CNBD1: variants seen among roughly 807,000 people sequenced by gnomAD.
CNBD1 encodes the protein cyclic nucleotide-binding domain-containing protein 1.
A neutral mutation model predicts 54.4 loss-of-function variants in CNBD1; 71 were observed. The ratio of observed to expected loss-of-function variants is 1.30; its 90% CI spans 1.08 to 1.59. The LOEUF is 1.59. CNBD1 is among the 40% of genes most tolerant of loss of function. The pLI, the probability that CNBD1 is intolerant of heterozygous loss-of-function variation, is 0.00. For missense variants in CNBD1, 659 were observed against 518.0 expected (o/e 1.27, Z -2.64); for synonymous variants, 182 against 170.7 (o/e 1.07, Z -0.51).
At chr8:87,181,350 C>T (rs1563498088) in intron 4 of CNBD1, among the ~76,000 whole-genome samples, 1 of 152,154 alleles carries the variant, frequency 6.6e-6, no homozygotes. Flanking sequence ...CAAATAACAG[C>T]TCCATCTCCT....
Position 87,216,733 on chromosome 8 carries a change from A to G in CNBD1, c.577+10595A>G, listed in dbSNP as rs561678096. Among the ~76,000 whole-genome samples, 6 of 152,260 alleles carry G rather than the reference A, an allele frequency of 3.9e-5. No individual in the cohort carries two copies. In the South Asian group the frequency reaches 1.0e-3, roughly 26 times the overall value. On this transcript the variant is annotated intron_variant, in intron 5 of 10. Transcript: ENST00000518476. The stretch of plus-strand genomic sequence containing the variant: ...TTTGAGTCTGGGTCTTCTGAAGCCA[A>G]CCTTTAGCTTTGTTTTACCCTTTTC...
At chr8:87,393,722 C>T (rs994231020) in intron 2 of CNBD1, among the ~76,000 whole-genome samples, 5 of 151,714 alleles carry the variant, frequency 3.3e-5, no homozygotes, top group Non-Finnish European at 5.9e-5. Context: ...AAGAACTATG[C>T]CTGAGAAGAG....
chr8:86,953,132 G>A lies in CNBD1; in HGVS notation c.431+13378G>A, dbSNP rs147724121. On this transcript the variant is annotated intron_variant, in intron 4 of 10. Transcript: ENST00000518476. ...TATACCATAGTTTATCTAAGTATAT[G>A]TTGATGAACATTTGTGGCTATTATG... Among the ~76,000 whole-genome samples, 53 of 152,248 alleles carry A rather than the reference G, an allele frequency of 3.5e-4. 1 individual carries two copies. The highest frequency in any genetic ancestry group is 1.2e-3 in the African/African-American group (51 of 41,546).
chr8:86,940,640 A>G (rs1460894350), intron 4 of CNBD1, among the ~76,000 whole-genome samples: 2 of 152,186 alleles, frequency 1.3e-5, no homozygotes, highest in Admixed American at 6.5e-5. Flanking sequence ...GAAAATCTTA[A>G]CCACCTGTCA....
intron 5 of CNBD1, among the ~76,000 whole-genome samples, chr8:87,220,557 A>C (rs1165721905): frequency 2.0e-5 from 3 of 150,608 alleles, no homozygotes; most frequent in African/African-American, 2.4e-5. Context: ...CTGTGATTCA[A>C]CTTTAATGTA....
intron 4 of CNBD1, among the ~76,000 whole-genome samples, chr8:87,067,599 T>C (rs1478150354): frequency 6.6e-6 from 1 of 151,960 alleles, no homozygotes; most frequent in Non-Finnish European, 1.5e-5. Context: ...TGGTCATAAA[T>C]ATTTCAATCT....
At chr8:87,411,452 C>A (rs1264581263) in intron 2 of CNBD1, among the ~76,000 whole-genome samples, 2 of 127,784 alleles carry the variant, frequency 1.6e-5, no homozygotes, top group African/African-American at 5.9e-5. Flanking sequence ...TTTTTAAAAA[C>A]TCATTCTACA....
intron 4 of CNBD1, among the ~76,000 whole-genome samples, chr8:87,100,809 G>A (rs568838822): frequency 6.6e-6 from 1 of 152,164 alleles, no homozygotes; most frequent in African/African-American, 2.4e-5. Context: ...TTTTGTTAGA[G>A]GACTAAGTTC....
intron 2 of CNBD1, among the ~76,000 whole-genome samples, chr8:87,395,504 G>A (rs1811392703): frequency 6.6e-6 from 1 of 151,852 alleles, no homozygotes; most frequent in South Asian, 2.1e-4. Context: ...GTTTTAAAAA[G>A]TAGTTCTGAG....
intron 4 of CNBD1, among the ~76,000 whole-genome samples, chr8:86,974,214 A>C (rs1428474720): frequency 6.6e-6 from 1 of 152,142 alleles, no homozygotes; most frequent in African/African-American, 2.4e-5. Flanking sequence ...ATATGATTAT[A>C]TGCCCAACAA....
chr8:87,224,446 C>G (rs2130812352), intron 5 of CNBD1, among the ~76,000 whole-genome samples: 1 of 151,716 alleles, frequency 6.6e-6, no homozygotes, highest in South Asian at 2.1e-4. Context: ...GATCCAGTTT[C>G]AGCTTTCTAC....
rs1439588831 is a variant in CNBD1, at chr8:87,322,559, G to C, written c.1043-29126G>C. On this transcript the variant is annotated intron_variant, in intron 8 of 10. Transcript: ENST00000518476. ...TTGCATTTCTCTGATGGCCAGTAAT[G>C]ATGAGCATTTTTTCATGTGTTTTTT... is the stretch of plus-strand genomic sequence containing the variant. Among the ~76,000 whole-genome samples the C allele has an allele frequency of 4.3e-5, 5 of 117,140 alleles. 1 individual carries two copies. The East Asian group carries it at 1.1e-3, about 25-fold the overall frequency. 76.8% of individuals were successfully genotyped at this position (117,140 alleles called of 152,430 possible).
chr8:87,134,630 TC>T (rs1224872089), intron 4 of CNBD1, among the ~76,000 whole-genome samples: 1 of 128,646 alleles, frequency 7.8e-6, no homozygotes, highest in African/African-American at 3.0e-5. Context: ...TGAGATGGAG[TC>T]TCGCTGTGTC....
chr8:86,989,072 A>G (rs1349760996), intron 4 of CNBD1, among the ~76,000 whole-genome samples: 1 of 152,072 alleles, frequency 6.6e-6, no homozygotes, highest in Non-Finnish European at 1.5e-5. Context: ...GGAGTTTGAG[A>G]CAAGCACAGG....
intron 2 of CNBD1, among the ~76,000 whole-genome samples, chr8:87,401,301 T>G (rs944910214): frequency 4.6e-5 from 7 of 152,028 alleles, no homozygotes; most frequent in African/African-American, 1.7e-4. Context: ...TCCCTAAATT[T>G]ACATCAAAAT....
At chr8:87,271,611 G>A (rs1585972823) in intron 6 of CNBD1, among the ~76,000 whole-genome samples, 1 of 151,930 alleles carries the variant, frequency 6.6e-6, no homozygotes, top group African/African-American at 2.4e-5. Flanking sequence ...AATAACAGAC[G>A]CTGTTGAGGA....
At chr8:87,396,695 C>T (rs986453943) in intron 2 of CNBD1, among the ~76,000 whole-genome samples, 1 of 151,598 alleles carries the variant, frequency 6.6e-6, no homozygotes, top group Non-Finnish European at 1.5e-5. Context: ...TTAATCAATT[C>T]ATATTAATTT....
At chr8:87,033,175 T>TA (rs1809831343) in intron 4 of CNBD1, among the ~76,000 whole-genome samples, 1 of 152,212 alleles carries the variant, frequency 6.6e-6, no homozygotes, top group African/African-American at 2.4e-5. Flanking sequence ...CAACATTCTT[T>TA]ATATCAGGGT....
intron 4 of CNBD1, among the ~76,000 whole-genome samples, chr8:87,201,106 A>C (rs1813850349): frequency 6.6e-6 from 1 of 152,170 alleles, no homozygotes; most frequent in South Asian, 2.1e-4. Flanking sequence ...AATAATCAAC[A>C]AATGTAATAT....
Sources: allele counts gnomAD v4.1 joint callset (sites outside exome capture counted in the v4.1 genomes callset), GRCh38; gene constraint gnomAD v4.1.1; transcripts MANE v1.5; gene names NCBI Gene and HGNC (gene_info 2026-07-23, HGNC 2026-07-21).